Variants in EYS observed in about 807,000 individuals in gnomAD.
EYS encodes protein eyes shut homolog.
In EYS, 250 loss-of-function variants were observed where a neutral mutation model predicts 282.1. That is an observed-to-expected ratio of 0.89 (90% CI 0.80 to 0.98). The LOEUF (loss-of-function observed/expected upper bound fraction) is 0.98. EYS is among the 50% of genes least tolerant of loss of function. The probability of loss-of-function intolerance (pLI) is 0.00; values close to 1 mark genes in which losing one functional copy is unlikely to be tolerated. For missense variants in EYS, 4,016 were observed against 3,709.0 expected, an observed-to-expected ratio of 1.08 and a Z score of -2.15; for synonymous variants, 1,355 against 1,282.9, an observed-to-expected ratio of 1.06 and a Z score of -1.20.
chr6:64,314,430 T>C (rs534617180), intron 29 of EYS, among the ~76,000 whole-genome samples: 16 of 152,092 alleles, frequency 1.1e-4, no homozygotes, highest in African/African-American at 3.4e-4. Flanking sequence ...CGCATAATAA[T>C]AGTGGGAGAC....
At chr6:64,931,195 C>A (rs1768711683) in intron 15 of EYS, among the ~76,000 whole-genome samples, 1 of 151,984 alleles carries the variant, frequency 6.6e-6, no homozygotes. Flanking sequence ...TAATTTTTTT[C>A]TCAAGGAATA....
At position 64,962,589 on chromosome 6, in the gene EYS, A is replaced by G. The variant is rs9445451; in HGVS notation, c.2260-16675T>C. Reference sequence around the variant, plus strand: ...TTTACAAAAAAAAAAGAAAAGAAAAAAAAAGCTTGTCATGGTGCTGTATGC... The same window carrying G: ...TTTACAAAAAAAAAAGAAAAGAAAAGAAAAGCTTGTCATGGTGCTGTATGC... On this transcript the variant is annotated intron_variant, in intron 14 of 42. Transcript: ENST00000503581. Among the ~76,000 whole-genome samples the G allele has an allele frequency of 7.9e-3, 1,200 of 152,006 alleles. 17 individuals carry two copies. The highest frequency in any genetic ancestry group is 0.027 in the African/African-American group (1,106 of 41,488).
intron 12 of EYS, among the ~76,000 whole-genome samples, chr6:65,252,953 C>A (rs2150284263): frequency 6.6e-6 from 1 of 151,948 alleles, no homozygotes; most frequent in African/African-American, 2.4e-5. Context: ...AGCCTCAGAC[C>A]TGTTAGACAA....
chr6:64,129,028 G>A (rs1773878362), intron 31 of EYS, among the ~76,000 whole-genome samples: 1 of 151,990 alleles, frequency 6.6e-6, no homozygotes, highest in Non-Finnish European at 1.5e-5. Context: ...CTTGCCCACT[G>A]CCTGTTTTTC....
At chr6:65,509,205 C>G (rs1488436544) in intron 2 of EYS, among the ~76,000 whole-genome samples, 1 of 152,172 alleles carries the variant, frequency 6.6e-6, no homozygotes, top group African/African-American at 2.4e-5. Flanking sequence ...GCAGGAGGTA[C>G]AGACTGACAG....
chr6:63,751,986 T>C (rs1024586618), intron 41 of EYS, among the ~76,000 whole-genome samples: 1 of 152,202 alleles, frequency 6.6e-6, no homozygotes, highest in African/African-American at 2.4e-5. Context: ...GGCAAAGACA[T>C]CTGGTGACTC....
At chr6:64,025,407 A>G (rs1769447085) in intron 33 of EYS, among the ~76,000 whole-genome samples, 2 of 152,128 alleles carry the variant, frequency 1.3e-5, no homozygotes, top group African/African-American at 4.8e-5. Context: ...AGACTCACCC[A>G]TCTATCCTAT....
intron 42 of EYS, 79 bp downstream of exon 42, chr6:63,726,440 G>A: frequency 1.6e-6 from 2 of 1,224,576 alleles, no homozygotes; most frequent in South Asian, 1.7e-5. Context: ...TTAAATACTA[G>A]GTGACACAAA....
At chr6:64,128,535 C>A (rs1213619333) in intron 31 of EYS, among the ~76,000 whole-genome samples, 1 of 152,198 alleles carries the variant, frequency 6.6e-6, no homozygotes, top group Non-Finnish European at 1.5e-5. Flanking sequence ...CCTAGGCAAT[C>A]CCTAAGCAAC....
intron 32 of EYS, among the ~76,000 whole-genome samples, chr6:64,069,313 A>G (rs1771485291): frequency 1.3e-5 from 2 of 152,104 alleles, no homozygotes; most frequent in Non-Finnish European, 2.9e-5. Flanking sequence ...ATCAAAGTAA[A>G]TAATTCTTAT....
intron 2 of EYS, among the ~76,000 whole-genome samples, chr6:65,511,366 TGAGA>T (rs1157546569): frequency 2.1e-5 from 3 of 145,816 alleles, no homozygotes; most frequent in Non-Finnish European, 4.5e-5. Context: ...TGTGTGTGTG[TGAGA>T]GAGAGAGAGA....
chr6:64,572,423 A>G (rs1765756092), intron 26 of EYS, among the ~76,000 whole-genome samples: 1 of 152,190 alleles, frequency 6.6e-6, no homozygotes, highest in African/African-American at 2.4e-5. Context: ...CAAGAGAAAG[A>G]AATAAAGGGC....
intron 19 of EYS, among the ~76,000 whole-genome samples, chr6:64,835,257 G>C (rs1765346898): frequency 6.6e-6 from 1 of 151,672 alleles, no homozygotes; most frequent in Admixed American, 6.6e-5. Context: ...CCACTGGAAA[G>C]GTACTTTCCT....
chr6:64,856,029 G>C (rs1766047131), intron 19 of EYS, among the ~76,000 whole-genome samples: 1 of 151,586 alleles, frequency 6.6e-6, no homozygotes, highest in Non-Finnish European at 1.5e-5. Flanking sequence ...GGATGTGTTG[G>C]GCTTCCAGCT....
At chr6:65,276,422 A>G (rs1768050230) in intron 12 of EYS, among the ~76,000 whole-genome samples, 1 of 152,102 alleles carries the variant, frequency 6.6e-6, no homozygotes, top group Non-Finnish European at 1.5e-5. Flanking sequence ...AGAAAAAAAA[A>G]AAGATTCCTG....
At chr6:64,834,501 A>G (rs757622714) in intron 19 of EYS, among the ~76,000 whole-genome samples, 1 of 151,886 alleles carries the variant, frequency 6.6e-6, no homozygotes, top group Non-Finnish European at 1.5e-5. Context: ...ATTTTGTCAT[A>G]GAAGTAAAAA....
chr6:64,254,471 T>G (rs1039477093), intron 30 of EYS, among the ~76,000 whole-genome samples: 8 of 152,154 alleles, frequency 5.3e-5, no homozygotes, highest in African/African-American at 1.9e-4. Context: ...TTTAGACTAT[T>G]TGGCCCAAAG....
chr6:65,118,903 C>A (rs1293133936), intron 12 of EYS, among the ~76,000 whole-genome samples: 1 of 149,574 alleles, frequency 6.7e-6, no homozygotes, highest in African/African-American at 2.5e-5. Flanking sequence ...AAATAGCTGA[C>A]AATTCTATGC....
intron 22 of EYS, among the ~76,000 whole-genome samples, chr6:64,659,240 G>T (rs1164244028): frequency 6.6e-6 from 1 of 152,146 alleles, no homozygotes; most frequent in Non-Finnish European, 1.5e-5. Flanking sequence ...AAAGCAGTGT[G>T]TAGAGGGAAA....
Sources: allele counts gnomAD v4.1 joint callset (sites outside exome capture counted in the v4.1 genomes callset), GRCh38; gene constraint gnomAD v4.1.1; transcripts MANE v1.5; gene names NCBI Gene and HGNC (gene_info 2026-07-23, HGNC 2026-07-21).